Variants in ARID4A observed in about 807,000 individuals in gnomAD.
ARID4A encodes AT-rich interaction domain 4A.
A neutral mutation model predicts 148.6 loss-of-function variants in ARID4A; 39 were observed. That is an observed-to-expected ratio of 0.26 (90% CI 0.20 to 0.34). The LOEUF is 0.34. Among genes scored for constraint, ARID4A ranks in the 10% least tolerant of loss-of-function variants. The pLI, the probability that ARID4A is intolerant of heterozygous loss-of-function variation, is 1.00. For missense variants in ARID4A, 1,265 were observed against 1,449.1 expected (o/e 0.87, Z 2.06); for synonymous variants, 475 against 481.2 (o/e 0.99, Z 0.17).
chr14:58,369,984 C>G (rs1385660087), intron 23 of ARID4A: 1 of 152,206 alleles, frequency 6.6e-6, no homozygotes, highest in Non-Finnish European at 1.5e-5. Context: ...GAGAAGTTTT[C>G]TGCCTCTAGT....
In ARID4A at chr14:58,299,797, G is replaced by C; in HGVS notation, c.-57-1G>C. 3 of 1,613,752 alleles carry C rather than the reference G, an allele frequency of 1.9e-6. No individual in the cohort carries two copies. Among genetic ancestry groups the C allele is most frequent in the Non-Finnish European group, 2.5e-6 (3 of 1,179,658 alleles). On this transcript the variant is annotated splice_acceptor_variant, in intron 1 of 23. Coordinates refer to ENST00000355431, the MANE Select transcript of ARID4A (RefSeq NM_002892.4). LOFTEE classifies it low-confidence loss of function (5UTR_SPLICE). ...GTGCCTGTCTTTCCCCCTCCCCATA[G>C]TTCTAGCGACTGCGAAGATAGCTCG...
At chr14:58,301,715 T>G (rs2140128357) in intron 3 of ARID4A, 25 bp downstream of exon 3, 4 of 1,562,442 alleles carry the variant, frequency 2.6e-6, no homozygotes, top group Non-Finnish European at 3.5e-6. Flanking sequence ...TATGCAATAG[T>G]TTTATTAACT....
intron 7 of ARID4A, among the ~76,000 whole-genome samples, chr14:58,322,579 C>T (rs1164664955): frequency 1.3e-5 from 2 of 152,028 alleles, no homozygotes; most frequent in Non-Finnish European, 2.9e-5. Flanking sequence ...TATAATGAAC[C>T]AAGTGGTTTT....
At position 58,364,260 on chromosome 14, in the gene ARID4A, A is replaced by G. The variant is rs2230098; in HGVS notation, c.2171A>G (p.Asn724Ser). The G allele has an allele frequency of 0.053, 81,948 of 1,542,474 alleles. 2,589 individuals are homozygous for G. Among genetic ancestry groups the G allele is most frequent in the Non-Finnish European group, 0.062 (71,959 of 1,154,350 alleles). Residue 724 changes from asparagine (N) to serine (S), a missense_variant, in exon 20 of 24, where the codon AAT (asparagine) becomes AGT (serine). Transcript: ENST00000355431. ...ELSLKDELEK[N>S]ENLNDDKLDE... is the part of the protein sequence containing the mutation. Reference sequence around the variant, plus strand: ...TCTCTTAAAGATGAACTAGAAAAAAATGAAAATTTGAATGATGATAAGCTA... The same window carrying G: ...TCTCTTAAAGATGAACTAGAAAAAAGTGAAAATTTGAATGATGATAAGCTA...
chr14:58,337,242 T>TCATATATATATATATATATATA (rs1566696601), intron 11 of ARID4A, among the ~76,000 whole-genome samples: 1 of 45,648 alleles, frequency 2.2e-5, no homozygotes, highest in Non-Finnish European at 4.6e-5. Context: ...AACCTTCTCT[T>TCATATATATATATATATATATA]TATTTATATA....
intron 7 of ARID4A, among the ~76,000 whole-genome samples, chr14:58,319,134 A>C (rs1442006158): frequency 2.0e-5 from 3 of 152,162 alleles, no homozygotes; most frequent in Admixed American, 6.5e-5. Context: ...ATCTCGGCTC[A>C]CTGCAACCTC....
chr14:58,316,820 T>C (rs1179295576), intron 5 of ARID4A, among the ~76,000 whole-genome samples: 1 of 151,680 alleles, frequency 6.6e-6, no homozygotes, highest in Non-Finnish European at 1.5e-5. Context: ...CCTCAGGTGG[T>C]CCGCCCGCCT....
At chr14:58,299,718 C>A in intron 1 of ARID4A, 80 bp from the exon 2 acceptor site, 1 of 1,241,414 alleles carries the variant, frequency 8.1e-7, no homozygotes, top group Non-Finnish European at 1.2e-6. Context: ...TCCCCGCTGG[C>A]GTTTGTTTAC....
At chr14:58,299,694 G>C in intron 1 of ARID4A, 104 bp from the exon 2 acceptor site, 1 of 959,380 alleles carries the variant, frequency 1.0e-6, no homozygotes, top group South Asian at 1.5e-5. Flanking sequence ...CTTGGCTGGT[G>C]AGGATTCTGC....
intron 5 of ARID4A, among the ~76,000 whole-genome samples, chr14:58,316,589 T>G (rs1007817589): frequency 6.6e-6 from 1 of 152,166 alleles, no homozygotes; most frequent in Non-Finnish European, 1.5e-5. Flanking sequence ...TTTGTTTGTT[T>G]GTTTGTTTTA....
At position 58,328,332 on chromosome 14, in the gene ARID4A, T is replaced by A; in HGVS notation, c.662+16T>A. 1 of 1,516,086 alleles carries A rather than the reference T, an allele frequency of 6.6e-7. No individual in the cohort carries two copies. Among genetic ancestry groups the A allele is most frequent in the Non-Finnish European group, 9.1e-7 (1 of 1,093,932 alleles). 93.9% of individuals were successfully genotyped at this position (1,516,086 alleles called of 1,614,324 possible). On this transcript the variant is annotated intron_variant, in intron 9 of 23. Transcript: ENST00000355431. ...ATTCTAAATTGTGAGTAATGAATCCTTTAATGATGTTACGTGGGAGGAAAA... is the reference window on the plus strand; with the variant it reads ...ATTCTAAATTGTGAGTAATGAATCCATTAATGATGTTACGTGGGAGGAAAA...
At chr14:58,351,365 G>A (rs781127698) in intron 16 of ARID4A, 42 bp downstream of exon 16, 2 of 1,561,898 alleles carry the variant, frequency 1.3e-6, no homozygotes, top group East Asian at 2.2e-5. Flanking sequence ...ACCTGTCTGG[G>A]GTACAACAGC....
Position 58,347,136 on chromosome 14 carries a change from TC to T in ARID4A, c.1172+20del. ...ATAGAAAGTAAGTAGTATAGTTTAT[TC>T]ATCAAAGAATATATATTTATAGGAA... On this transcript the variant is annotated intron_variant, in intron 14 of 23. Transcript: ENST00000355431. The T allele has an allele frequency of 7.8e-7, 1 of 1,274,418 alleles. No individual in the cohort carries two copies. The highest frequency in any genetic ancestry group is 1.1e-6 in the Non-Finnish European group (1 of 912,734). The allele number at this position is 1,274,418 out of a possible 1,614,324, so 78.9% of individuals were successfully genotyped here. A position where few individuals can be genotyped will look rare whatever the true frequency, so the allele number is the denominator to read the frequency against.
Position 58,364,870 on chromosome 14 carries a change from T to C in ARID4A, c.2781T>C (p.Ser927=), listed in dbSNP as rs1476769344. The change falls in exon 20 of 24, where the codon AGT becomes AGC. Residue 927 remains serine, a synonymous_variant. Transcript: ENST00000355431. ...ESNQCIQQLT[S]ERFDSPAEET... is the part of the protein sequence containing the mutation. ...ACCAATGCATCCAACAACTGACTAG[T>C]GAAAGATTTGATAGTCCAGCTGAAG... 1.2e-6 allele frequency: 2 copies of C among 1,614,110 alleles called. No homozygotes were observed. The highest frequency in any genetic ancestry group is 3.3e-5 in the Admixed American group (2 of 60,032).
At chr14:58,299,393 G>A (rs1371205153) in intron 1 of ARID4A, 1 of 159,412 alleles carries the variant, frequency 6.3e-6, no homozygotes, top group African/African-American at 2.4e-5. Context: ...GCCGAGCGGC[G>A]GAGGCGGGGC....
intron 5 of ARID4A, among the ~76,000 whole-genome samples, chr14:58,311,727 T>C (rs2032047788): frequency 6.6e-6 from 1 of 152,156 alleles, no homozygotes; most frequent in Non-Finnish European, 1.5e-5. Flanking sequence ...AAATGTGATA[T>C]ATATACATAA....
chr14:58,334,547 T>C (rs1406830289), intron 11 of ARID4A, among the ~76,000 whole-genome samples: 1 of 152,192 alleles, frequency 6.6e-6, no homozygotes, highest in African/African-American at 2.4e-5. Context: ...CAGTTCCCAA[T>C]TTCTGTAAGC....
chr14:58,323,990 T>C (rs751638966), intron 8 of ARID4A, among the ~76,000 whole-genome samples: 11 of 146,646 alleles, frequency 7.5e-5, no homozygotes, highest in Non-Finnish European at 1.2e-4. Context: ...CTGCAAGCTC[T>C]GCCTTCCGGG....
chr14:58,313,982 A>G (rs953990817), intron 5 of ARID4A, among the ~76,000 whole-genome samples: 1 of 150,030 alleles, frequency 6.7e-6, no homozygotes, highest in Non-Finnish European at 1.5e-5. Context: ...CCCAGAAGTA[A>G]TTGCTTTACC....
Sources: allele counts gnomAD v4.1 joint callset (sites outside exome capture counted in the v4.1 genomes callset), GRCh38; gene constraint gnomAD v4.1.1; transcripts MANE v1.5; gene names NCBI Gene and HGNC (gene_info 2026-07-23, HGNC 2026-07-21).